Variants in NBDY observed in about 807,000 individuals in gnomAD.
NBDY encodes the protein negative regulator of P-body association, also known as P-body dissociating protein.
intron 2 of NBDY, among the ~76,000 whole-genome samples, chrX:56,782,902 G>T (rs1225907105): frequency 2.7e-5 from 3 of 111,672 alleles, no homozygotes; most frequent in Non-Finnish European, 5.6e-5. Flanking sequence ...AAACACACAC[G>T]CACATGGAGA....
intron 1 of NBDY, among the ~76,000 whole-genome samples, chrX:56,730,556 A>C (rs1445585671): frequency 1.8e-4 from 17 of 94,204 alleles, no homozygotes; most frequent in Non-Finnish European, 3.1e-4. Context: ...AGGAAGGAGG[A>C]ACTTTGGGTG....
chrX:56,808,534 G>A (rs1243902765), intron 2 of NBDY, among the ~76,000 whole-genome samples: 1 of 112,268 alleles, frequency 8.9e-6, no homozygotes, highest in Non-Finnish European at 1.9e-5. Flanking sequence ...AGATTTTCTA[G>A]TTTATTTGCA....
Position 56,787,303 on chromosome X carries a change from GAC to G in NBDY, c.*167-30012_*167-30011del, listed in dbSNP as rs774212818. On this transcript the variant is annotated intron_variant, in intron 2 of 2. Transcript: ENST00000374922. ...CACACACGTTAAACAAGCCCAAGCA[GAC>G]ACACGCACACACACACACAAACACA... Among the ~76,000 whole-genome samples, 411 of 110,190 alleles carry G rather than the reference GAC, an allele frequency of 3.7e-3. 3 individuals carry two copies. The highest frequency in any genetic ancestry group is 0.013 in the African/African-American group (388 of 30,266).
intron 1 of NBDY, among the ~76,000 whole-genome samples, chrX:56,730,294 T>C (rs895290317): frequency 1.9e-5 from 2 of 106,880 alleles, no homozygotes; most frequent in African/African-American, 6.8e-5. Flanking sequence ...GGTGAGCAGA[T>C]CAGGTCAGGA....
intron 2 of NBDY, among the ~76,000 whole-genome samples, chrX:56,807,868 G>A (rs2069861433): frequency 8.9e-6 from 1 of 112,261 alleles, no homozygotes; most frequent in Non-Finnish European, 1.9e-5. Flanking sequence ...TAGGAGTGGT[G>A]AGAGAGGGCA....
chrX:56,790,517 C>A lies in NBDY; in HGVS notation c.*167-26803C>A, dbSNP rs745620206. Among the ~76,000 whole-genome samples the A allele has an allele frequency of 8.0e-5, 9 of 112,114 alleles. 1 individual carries two copies. The highest frequency in any genetic ancestry group is 8.4e-3 in the Middle Eastern group (2 of 237). On this transcript the variant is annotated intron_variant, in intron 2 of 2. Coordinates refer to ENST00000374922, the MANE Select transcript of NBDY (RefSeq NM_001348129.2). The stretch of plus-strand genomic sequence containing the variant: ...GGTCACTTGTCAACAAATGCAGATT[C>A]TTTTCTCATAAGTAGGTAGCATGCA...
rs2069446553 is a variant in NBDY at position 56,729,428 on chromosome X, A to T, written c.75A>T (p.Lys25Asn). ...PGNAREAKPP[K>N]KRCLLAPRWD... The stretch of plus-strand genomic sequence containing the variant: ...ACGCACGGGAAGCCAAGCCTCCAAA[A>T]AAGCGCTGCCTCCTCGCTCCGCGTT... Residue 25 changes from lysine to asparagine, a missense_variant, in exon 1 of 3, where the codon AAA (lysine) becomes AAT (asparagine). Coordinates refer to ENST00000374922, the MANE Select transcript of NBDY (RefSeq NM_001348129.2). The T allele has an allele frequency of 3.4e-6, 1 of 295,557 alleles. No individual in the cohort carries two copies. Among genetic ancestry groups the T allele is most frequent in the Non-Finnish European group, 5.9e-6 (1 of 169,920 alleles). The allele number at this position is 295,557 out of a possible 1,213,427, so 24.4% of individuals were successfully genotyped here. A position where few individuals can be genotyped will look rare whatever the true frequency, so the allele number is the denominator to read the frequency against.
chrX:56,736,456 G>A (rs1335181375), intron 2 of NBDY, among the ~76,000 whole-genome samples: 2 of 110,624 alleles, frequency 1.8e-5, no homozygotes, highest in African/African-American at 6.6e-5. Flanking sequence ...AGTAGAGACG[G>A]GGTTTCACCA....
chrX:56,802,981 AG>A (rs1367214846), intron 2 of NBDY, among the ~76,000 whole-genome samples: 2 of 110,474 alleles, frequency 1.8e-5, no homozygotes, highest in African/African-American at 6.6e-5. Context: ...GAAAGGGTGG[AG>A]GCCGTCGGAT....
intron 2 of NBDY, among the ~76,000 whole-genome samples, chrX:56,781,481 T>C (rs73626221): frequency 0.061 from 6,799 of 111,468 alleles, 483 homozygotes; most frequent in African/African-American, 0.21. Flanking sequence ...TTCTTCTGGC[T>C]GGCGCCTTAT....
At chrX:56,730,928 C>T (rs751121193) in intron 1 of NBDY, among the ~76,000 whole-genome samples, 31 of 111,302 alleles carry the variant, frequency 2.8e-4, no homozygotes, top group Non-Finnish European at 5.3e-4. Context: ...TTTCTTCATT[C>T]GTGCAGTAAA....
At chrX:56,734,809 A>G (rs1363026205) in intron 2 of NBDY, among the ~76,000 whole-genome samples, 1 of 111,839 alleles carries the variant, frequency 8.9e-6, no homozygotes, top group Non-Finnish European at 1.9e-5. Flanking sequence ...TTCCCAAGTT[A>G]TTTTTTCTCG....
chrX:56,787,375 G>T (rs949763634), intron 2 of NBDY, among the ~76,000 whole-genome samples: 2 of 111,059 alleles, frequency 1.8e-5, no homozygotes, highest in African/African-American at 6.6e-5. Context: ...CTTAAGCATT[G>T]TTGTACACAG....
chrX:56,765,132 C>T (rs1404362863), intron 2 of NBDY, among the ~76,000 whole-genome samples: 3 of 111,860 alleles, frequency 2.7e-5, no homozygotes, highest in African/African-American at 3.2e-5. Context: ...GTCAGCTGGG[C>T]GCGGGGACAC....
intron 2 of NBDY, among the ~76,000 whole-genome samples, chrX:56,767,687 T>A (rs945354377): frequency 3.5e-5 from 4 of 113,144 alleles, no homozygotes; most frequent in African/African-American, 1.3e-4. Context: ...CTTAACTTTC[T>A]TTTATAATTA....
At chrX:56,794,186 C>T (rs181060088) in intron 2 of NBDY, among the ~76,000 whole-genome samples, 3 of 111,733 alleles carry the variant, frequency 2.7e-5, no homozygotes, top group East Asian at 2.9e-4. Context: ...AAACCCTGGT[C>T]GGGGAAACCC....
At chrX:56,808,091 A>T (rs2069863253) in intron 2 of NBDY, among the ~76,000 whole-genome samples, 1 of 112,168 alleles carries the variant, frequency 8.9e-6, no homozygotes, top group African/African-American at 3.2e-5. Flanking sequence ...TTTTGTCATT[A>T]GTTCTGTTTA....
chrX:56,787,088 C>T (rs906822922), intron 2 of NBDY, among the ~76,000 whole-genome samples: 1 of 111,209 alleles, frequency 9.0e-6, no homozygotes, highest in South Asian at 3.8e-4. Context: ...GCCATGTGAA[C>T]ACATTGATCC....
rs2069519691 is a variant in NBDY, at chrX:56,739,299, T to TATATATTTTTATATATATATAG, written c.*166+7101_*166+7102insTATATTTTTATATATATATAGA. On this transcript the variant is annotated intron_variant, in intron 2 of 2. Coordinates refer to ENST00000374922, the MANE Select transcript of NBDY (RefSeq NM_001348129.2). ...ATATATATTTTTATATATATATATATAGAGAGAGAGAGAGAGAGAGAAACT... is the reference window on the plus strand; with the variant it reads ...ATATATATTTTTATATATATATATATATATATTTTTATATATATATAGAGAGAGAGAGAGAGAGAGAGAAACT... Among the ~76,000 whole-genome samples the TATATATTTTTATATATATATAG allele has an allele frequency of 4.0e-5, 3 of 74,300 alleles. No homozygotes were observed. In the East Asian group the frequency reaches 1.2e-3, roughly 31 times the overall value. 64.5% of individuals were successfully genotyped at this position (74,300 alleles called of 115,157 possible).
Sources: allele counts gnomAD v4.1 joint callset (sites outside exome capture counted in the v4.1 genomes callset), GRCh38; gene constraint gnomAD v4.1.1; transcripts MANE v1.5; gene names NCBI Gene and HGNC (gene_info 2026-07-23, HGNC 2026-07-21).